The following INPP4B variants were observed in gnomAD, a reference collection of about 807,000 sequenced individuals.
INPP4B encodes inositol polyphosphate-4-phosphatase type II B, also known as inositol polyphosphate 4-phosphatase type II.
A neutral mutation model predicts 122.5 loss-of-function variants in INPP4B; 55 were observed. That is an observed-to-expected ratio of 0.45 (90% CI 0.36 to 0.56). The LOEUF (loss-of-function observed/expected upper bound fraction) is 0.56, where lower values mean the gene tolerates loss of function less well. INPP4B is among the 20% of genes least tolerant of loss of function. INPP4B has a pLI of 0.00. For missense variants in INPP4B, 1,000 were observed against 1,097.7 expected, an observed-to-expected ratio of 0.91 and a Z score of 1.26; for synonymous variants, 403 against 388.7, an observed-to-expected ratio of 1.04 and a Z score of -0.43.
intron 5 of INPP4B, chr4:142,423,570 T>C (rs1807386387): frequency 4.9e-6 from 1 of 204,978 alleles, no homozygotes; most frequent in African/African-American, 2.4e-5. Context: ...TAAGCACTCC[T>C]TATTTATAGC....
At chr4:142,793,302 C>T (rs1418957128) in intron 1 of INPP4B, among the ~76,000 whole-genome samples, 1 of 151,908 alleles carries the variant, frequency 6.6e-6, no homozygotes, top group African/African-American at 2.4e-5. Flanking sequence ...GAAACAAGAA[C>T]TGACTTGTCC....
chr4:142,654,376 A>AAT (rs1203091573), intron 2 of INPP4B: 1 of 150,788 alleles, frequency 6.6e-6, no homozygotes, highest in African/African-American at 2.4e-5. Context: ...ATAAAAAAAA[A>AAT]AAAAAAAAAA....
chr4:142,624,403 T>G (rs1745788269), intron 2 of INPP4B, among the ~76,000 whole-genome samples: 2 of 151,838 alleles, frequency 1.3e-5, no homozygotes, highest in East Asian at 1.9e-4. Flanking sequence ...TCGCCCACTT[T>G]TTGATGGGGT....
chr4:142,670,530 G>A (rs947751799), intron 2 of INPP4B, among the ~76,000 whole-genome samples: 1 of 152,104 alleles, frequency 6.6e-6, no homozygotes, highest in African/African-American at 2.4e-5. Flanking sequence ...ATTATGTTAA[G>A]TGAAATAAGT....
intron 1 of INPP4B, among the ~76,000 whole-genome samples, chr4:142,813,717 C>G (rs1779785926): frequency 6.6e-6 from 1 of 152,110 alleles, no homozygotes; most frequent in African/African-American, 2.4e-5. Context: ...TACATGAATA[C>G]TAAATCAATG....
intron 3 of INPP4B, among the ~76,000 whole-genome samples, chr4:142,432,649 C>T (rs568912484): frequency 4.1e-4 from 62 of 152,160 alleles, no homozygotes; most frequent in African/African-American, 1.3e-3. Context: ...ACATTCATAG[C>T]ACCACGTTCT....
intron 15 of INPP4B, among the ~76,000 whole-genome samples, chr4:142,180,243 T>C (rs1226873423): frequency 4.6e-5 from 7 of 152,120 alleles, no homozygotes; most frequent in Admixed American, 1.3e-4. Context: ...AACTATACTA[T>C]AATAAATTTC....
intron 1 of INPP4B, among the ~76,000 whole-genome samples, chr4:142,821,815 T>C (rs1561108311): frequency 6.6e-6 from 1 of 152,138 alleles, no homozygotes; most frequent in Non-Finnish European, 1.5e-5. Context: ...TACAGCAGTC[T>C]GTATTTCAGT....
chr4:142,230,426 A>G (rs1281470812), intron 12 of INPP4B, among the ~76,000 whole-genome samples: 2 of 152,094 alleles, frequency 1.3e-5, no homozygotes, highest in Admixed American at 1.3e-4. Context: ...CAGGTGGATC[A>G]CCTGAGGTGG....
At position 142,405,118 on chromosome 4, in the gene INPP4B, T is replaced by C. The variant is rs375481550; in HGVS notation, c.255+88A>G. On this transcript the variant is annotated intron_variant, in intron 6 of 25. Coordinates refer to ENST00000262992, the MANE Select transcript of INPP4B (RefSeq NM_001101669.3). ...TTCAAATCCAGAGATGGGGCGGGGG[T>C]GGGGGGGAGGGAGAGAGAGAGCAAG... 6 of 531,938 alleles carry C rather than the reference T, an allele frequency of 1.1e-5. No homozygotes were observed. The Admixed American group carries it at 1.5e-4, about 13-fold the overall frequency. 33.0% of individuals were successfully genotyped at this position (531,938 alleles called of 1,614,324 possible). A position where few individuals can be genotyped will look rare whatever the true frequency, so the allele number is the denominator to read the frequency against.
intron 16 of INPP4B, among the ~76,000 whole-genome samples, chr4:142,172,752 T>A (rs978052827): frequency 6.6e-6 from 1 of 152,026 alleles, no homozygotes; most frequent in African/African-American, 2.4e-5. Flanking sequence ...TCTATGAATC[T>A]GTTCTTCAGA....
intron 2 of INPP4B, among the ~76,000 whole-genome samples, chr4:142,567,338 GCCC>G (rs1580386371): frequency 6.6e-6 from 1 of 152,154 alleles, no homozygotes; most frequent in East Asian, 1.9e-4. Context: ...GAGCACAGCT[GCCC>G]TGACAGGAAA....
At chr4:142,188,759 GAAAT>G (rs1834400512) in intron 15 of INPP4B, among the ~76,000 whole-genome samples, 1 of 151,660 alleles carries the variant, frequency 6.6e-6, no homozygotes, top group African/African-American at 2.4e-5. Context: ...TTCATAAAAA[GAAAT>G]AAAAATTTTT....
intron 2 of INPP4B, among the ~76,000 whole-genome samples, chr4:142,688,273 GT>G (rs1759658789): frequency 6.6e-6 from 1 of 152,098 alleles, no homozygotes; most frequent in Admixed American, 6.6e-5. Context: ...AAGAGAATTT[GT>G]TTTCTCTGTG....
chr4:142,470,544 T>C (rs1479718651), intron 2 of INPP4B, among the ~76,000 whole-genome samples: 1 of 152,298 alleles, frequency 6.6e-6, no homozygotes, highest in South Asian at 2.1e-4. Flanking sequence ...TCACCATATG[T>C]GGTTAGCACA....
chr4:142,745,791 G>T (rs1394731523), intron 1 of INPP4B, among the ~76,000 whole-genome samples: 1 of 151,788 alleles, frequency 6.6e-6, no homozygotes, highest in Non-Finnish European at 1.5e-5. Context: ...GTTAATATGA[G>T]ACAGATAAAT....
At chr4:142,688,494 T>C (rs1251706017) in intron 2 of INPP4B, among the ~76,000 whole-genome samples, 1 of 152,162 alleles carries the variant, frequency 6.6e-6, no homozygotes, top group African/African-American at 2.4e-5. Context: ...TCCTGTCTCC[T>C]ACATGCCCTG....
intron 25 of INPP4B, among the ~76,000 whole-genome samples, chr4:142,071,944 C>G (rs1017475945): frequency 1.3e-5 from 2 of 152,118 alleles, no homozygotes; most frequent in Non-Finnish European, 2.9e-5. Flanking sequence ...CCTCAAGGAT[C>G]TAGAACTAGA....
intron 11 of INPP4B, among the ~76,000 whole-genome samples, chr4:142,253,734 C>T (rs941836323): frequency 6.6e-6 from 1 of 152,212 alleles, no homozygotes; most frequent in Non-Finnish European, 1.5e-5. Context: ...ACTGCTAGCA[C>T]AGCGGTCTGA....
Sources: allele counts gnomAD v4.1 joint callset (sites outside exome capture counted in the v4.1 genomes callset), GRCh38; gene constraint gnomAD v4.1.1; transcripts MANE v1.5; gene names NCBI Gene and HGNC (gene_info 2026-07-23, HGNC 2026-07-21).